The following GPM6B variants were observed in gnomAD, a reference collection of about 807,000 sequenced individuals.
The protein encoded by GPM6B is neuronal membrane glycoprotein M6-b.
Under a neutral mutation model 27.2 loss-of-function variants are expected in GPM6B, and 4 were observed. That is an observed-to-expected ratio of 0.15 (90% confidence interval 0.07 to 0.34). The LOEUF is 0.34. GPM6B is among the 10% of genes least tolerant of loss of function. The pLI is 1.00. For synonymous variants in GPM6B, 124 were observed against 103.1 expected (o/e 1.20, Z -1.23); for missense variants, 183 against 261.9 (o/e 0.70, Z 2.08).
intron 2 of GPM6B, among the ~76,000 whole-genome samples, chrX:13,787,471 G>A (rs904599049): frequency 3.6e-5 from 4 of 111,668 alleles, no homozygotes; most frequent in African/African-American, 1.3e-4. Context: ...CAAGGGAATC[G>A]CTTGAACCCA....
At chrX:13,904,413 C>A (rs1018691304) in intron 1 of GPM6B, among the ~76,000 whole-genome samples, 8 of 111,861 alleles carry the variant, frequency 7.2e-5, no homozygotes, top group Non-Finnish European at 1.3e-4. Context: ...AGGTTAGTGA[C>A]AATACAGATA....
chrX:13,784,020 C>A, intron 3 of GPM6B: 1 of 241,488 alleles, frequency 4.1e-6, no homozygotes, highest in Admixed American at 5.4e-5. Flanking sequence ...AGGGGGTAAT[C>A]TGGGGAGATG....
intron 1 of GPM6B, among the ~76,000 whole-genome samples, chrX:13,814,301 A>AT (rs1333026116): frequency 8.9e-6 from 1 of 112,457 alleles, no homozygotes; most frequent in Non-Finnish European, 1.9e-5. Context: ...AAATTAAGAG[A>AT]CAGGCATCAC....
chrX:13,864,538 A>G (rs1444671687), intron 1 of GPM6B, among the ~76,000 whole-genome samples: 2 of 113,023 alleles, frequency 1.8e-5, no homozygotes, highest in Non-Finnish European at 3.7e-5. Context: ...AAACGTTCCA[A>G]AAATGCAGAT....
intron 1 of GPM6B, among the ~76,000 whole-genome samples, chrX:13,808,091 G>A (rs2049056908): frequency 8.9e-6 from 1 of 111,866 alleles, no homozygotes; most frequent in Non-Finnish European, 1.9e-5. Context: ...TTTTCTTTCT[G>A]TTTCCTTTTC....
At chrX:13,900,532 G>A (rs1290926372) in intron 1 of GPM6B, among the ~76,000 whole-genome samples, 1 of 111,023 alleles carries the variant, frequency 9.0e-6, no homozygotes, top group East Asian at 2.8e-4. Flanking sequence ...TGCCACGTGC[G>A]TGTTTTGTGT....
chrX:13,864,690 A>G (rs1406906840), intron 1 of GPM6B, among the ~76,000 whole-genome samples: 1 of 112,144 alleles, frequency 8.9e-6, no homozygotes, highest in East Asian at 2.8e-4. Context: ...AGAGTGGCTT[A>G]TGGGCATCAC....
In GPM6B at chrX:13,812,876, G is replaced by C. The variant is rs16979243; in HGVS notation, c.61+3968C>G. On this transcript the variant is annotated intron_variant, in intron 1 of 7. Transcript: ENST00000316715. ...TGTAAAAGTAGAAGATGTACCAAAT[G>C]GCTCGTTGAGATCTTTTCCACATTT... 3.6e-3 allele frequency: 390 copies of C among 107,561 alleles called. 1 individual carries two copies. Among genetic ancestry groups the C allele is most frequent in the African/African-American group, 0.012 (354 of 29,260 alleles). The allele number at this position is 107,561 out of a possible 1,213,427, so 8.9% of individuals were successfully genotyped here. A position where few individuals can be genotyped will look rare whatever the true frequency, so the allele number is the denominator to read the frequency against.
At chrX:13,799,023 T>C (rs2048867405) in intron 2 of GPM6B, among the ~76,000 whole-genome samples, 1 of 111,059 alleles carries the variant, frequency 9.0e-6, no homozygotes, top group African/African-American at 3.3e-5. Flanking sequence ...CTCAAGATTC[T>C]GAATGACTTG....
intron 1 of GPM6B, among the ~76,000 whole-genome samples, chrX:13,815,767 G>A (rs932633201): frequency 5.4e-5 from 6 of 111,861 alleles, no homozygotes; most frequent in Non-Finnish European, 9.4e-5. Context: ...TGTAATTGCC[G>A]TTTTTGTAGG....
In GPM6B at chrX:13,807,667, C is replaced by A; in HGVS notation, c.164G>T (p.Ser55Ile). The change falls in exon 2 of 8, where the codon AGC (serine) becomes ATC (isoleucine). Residue 55 changes from serine (S) to isoleucine (I), a missense_variant. Physicochemically the swap from Ser to Ile is moderately radical, Grantham distance 142. Transcript: ENST00000316715. ...GTATTTACCTGGACTGCTCAAGGGG[C>A]TAGCCCTGTCCCCCAGGGTTGGCAC... ...HPVPTLGDRASPLSSPGCFEC... is the reference protein window; with the variant it reads ...HPVPTLGDRAIPLSSPGCFEC... The A allele has an allele frequency of 8.3e-7, 1 of 1,203,889 alleles. No homozygotes were observed. The highest frequency in any genetic ancestry group is 1.1e-6 in the Non-Finnish European group (1 of 889,767).
At chrX:13,928,116 C>T (rs1417562246) in intron 1 of GPM6B, among the ~76,000 whole-genome samples, 2 of 112,245 alleles carry the variant, frequency 1.8e-5, no homozygotes, top group African/African-American at 6.5e-5. Context: ...GTCACAAGAG[C>T]TCATACTGTA....
upstream of GPM6B, among the ~76,000 whole-genome samples, chrX:13,817,675 A>G (rs1262022170): frequency 8.9e-6 from 1 of 112,475 alleles, no homozygotes; most frequent in Non-Finnish European, 1.9e-5. Context: ...ATTGCTTTTT[A>G]AAAATATAAA....
At chrX:13,815,104 TA>T (rs1302795327) in intron 1 of GPM6B, among the ~76,000 whole-genome samples, 1 of 112,055 alleles carries the variant, frequency 8.9e-6, no homozygotes, top group Non-Finnish European at 1.9e-5. Flanking sequence ...TCCATAAGAC[TA>T]AGTGATAAGA....
Position 13,935,691 on chromosome X carries a change from GA to G in GPM6B, c.-198+2635del, listed in dbSNP as rs781182917. Among the ~76,000 whole-genome samples the G allele has an allele frequency of 8.0e-5, 9 of 112,193 alleles. No homozygotes were observed. The South Asian group carries it at 1.8e-3, about 23-fold the overall frequency. On this transcript the variant is annotated intron_variant, in intron 1 of 6. Coordinates refer to the GPM6B transcript ENST00000398361. ...CTTCAGGCCTATGAACAAGGTAACA[GA>G]ATCAAAATTCTGTTGGGCAATGCAA...
At chrX:13,890,524 G>A (rs1406834561) in intron 1 of GPM6B, among the ~76,000 whole-genome samples, 3 of 111,567 alleles carry the variant, frequency 2.7e-5, no homozygotes, top group Non-Finnish European at 5.6e-5. Flanking sequence ...CTATTAGTTA[G>A]TTACTCTCAA....
intron 1 of GPM6B, among the ~76,000 whole-genome samples, chrX:13,863,287 G>C (rs1425760041): frequency 9.0e-6 from 1 of 111,621 alleles, no homozygotes; most frequent in African/African-American, 3.3e-5. Flanking sequence ...TTCTGGATAA[G>C]AACAAATGTC....
At chrX:13,909,816 TAAC>T (rs1310673662) in intron 1 of GPM6B, among the ~76,000 whole-genome samples, 2 of 111,828 alleles carry the variant, frequency 1.8e-5, no homozygotes, top group African/African-American at 3.2e-5. Flanking sequence ...TATACACTCT[TAAC>T]TACTGCAGCT....
chrX:13,915,837 ATG>A (rs1023984269), intron 1 of GPM6B, among the ~76,000 whole-genome samples: 1 of 112,169 alleles, frequency 8.9e-6, no homozygotes. Context: ...TATTACGTAT[ATG>A]TGTGTGTATA....
Sources: gnomAD v4.1 joint callset for allele counts (sites outside exome capture counted in the v4.1 genomes callset) on GRCh38, gnomAD v4.1.1 for gene constraint, MANE v1.5 for transcripts, NCBI Gene and HGNC (gene_info 2026-07-23, HGNC 2026-07-21) for gene names.